PXDN: variants seen among roughly 807,000 people sequenced by gnomAD.
The protein encoded by PXDN is peroxidasin homolog.
In PXDN, 77 loss-of-function variants were observed where a neutral mutation model predicts 140.3. The ratio of observed to expected loss-of-function variants is 0.55; its 90% confidence interval spans 0.46 to 0.66. The LOEUF (loss-of-function observed/expected upper bound fraction) is 0.66. Ranked by LOEUF, PXDN falls within the 30% of genes least tolerant of loss-of-function variation. The pLI is 0.00. For synonymous variants in PXDN, 911 were observed against 857.4 expected (o/e 1.06, Z -1.09); for missense variants, 1,838 against 2,039.5 (o/e 0.90, Z 1.90).
chr2:1,635,480 C>A lies in PXDN; in HGVS notation c.4248G>T (p.Val1416=). The A allele has an allele frequency of 2.5e-6, 4 of 1,600,784 alleles. No homozygotes were observed. The highest frequency in any genetic ancestry group is 2.6e-6 in the Non-Finnish European group (3 of 1,172,968). ...TGGCGTGAGATTCGCCCCCGGCATC[C>A]ACGCACTCTGTGGTACTGAGCCGTG... ...LESRLSTTEC[V]DAGGESHANN... The change falls in exon 22 of 23, where the codon GTG becomes GTT. Residue 1416 remains valine (V), a synonymous_variant. Transcript: ENST00000252804.
intron 2 of PXDN, among the ~76,000 whole-genome samples, chr2:1,692,301 C>T (rs1434415054): frequency 6.6e-6 from 1 of 152,170 alleles, no homozygotes; most frequent in Admixed American, 6.5e-5. Flanking sequence ...CCTGCTGTCT[C>T]TTAGATTTTC....
chr2:1,724,146 C>T (rs1201587352), intron 1 of PXDN, among the ~76,000 whole-genome samples: 4 of 152,212 alleles, frequency 2.6e-5, no homozygotes, highest in Admixed American at 6.5e-5. Flanking sequence ...TTCTTTCCCA[C>T]AACAATTCTC....
intron 19 of PXDN, among the ~76,000 whole-genome samples, chr2:1,641,438 C>CCTT (rs1682725297): frequency 6.6e-6 from 1 of 152,240 alleles, no homozygotes; most frequent in Admixed American, 6.5e-5. Context: ...GCATGTGCCA[C>CCTT]CGCCCAGCCC....
chr2:1,681,722 G>A lies in PXDN; in HGVS notation c.561-1360C>T, dbSNP rs1318108523. On this transcript the variant is annotated intron_variant, in intron 6 of 22. Coordinates refer to ENST00000252804, the MANE Select transcript of PXDN (RefSeq NM_012293.3). ...GGAGGCTGTGAGGGGGACAGTGTCA[G>A]CCACGTGCCCAGGGCACCCAACCTG... 2.6e-5 allele frequency among the ~76,000 whole-genome samples: 4 copies of A among 152,236 alleles called. No individual in the cohort carries two copies. The East Asian group carries it at 7.7e-4, about 29-fold the overall frequency.
At chr2:1,709,011 T>A (rs1383906110) in intron 1 of PXDN, among the ~76,000 whole-genome samples, 1 of 152,160 alleles carries the variant, frequency 6.6e-6, no homozygotes, top group Non-Finnish European at 1.5e-5. Context: ...CATGATCTGC[T>A]GAGGCTGCCA....
At chr2:1,663,518 G>GTT in intron 12 of PXDN, 87 bp downstream of exon 12, 3 of 1,530,914 alleles carry the variant, frequency 2.0e-6, no homozygotes, top group Non-Finnish European at 2.7e-6. Flanking sequence ...ATAACGAAGA[G>GTT]TAACACTAAT....
chr2:1,715,123 T>C (rs1335631366), intron 1 of PXDN, among the ~76,000 whole-genome samples: 3 of 152,198 alleles, frequency 2.0e-5, no homozygotes, highest in African/African-American at 7.2e-5. Context: ...TCAGTATTTT[T>C]CCTGCCTTCC....
chr2:1,708,326 G>T (rs1558519470), intron 1 of PXDN, among the ~76,000 whole-genome samples: 1 of 152,198 alleles, frequency 6.6e-6, no homozygotes, highest in African/African-American at 2.4e-5. Flanking sequence ...AAAGAGGTTC[G>T]CCCTTTCATG....
At chr2:1,635,346 C>T in intron 22 of PXDN, 62 bp downstream of exon 22, 1 of 1,426,150 alleles carries the variant, frequency 7.0e-7, no homozygotes. Context: ...CCTGAGTGGT[C>T]ACATGGGACT....
At chr2:1,726,383 A>T (rs1402645306) in intron 1 of PXDN, among the ~76,000 whole-genome samples, 19 of 141,836 alleles carry the variant, frequency 1.3e-4, no homozygotes, top group Non-Finnish European at 2.9e-4. Context: ...AACAATGAGA[A>T]CACATGGACA....
At position 1,658,096 on chromosome 2, in the gene PXDN, TA is replaced by T. The variant is rs1470431703; in HGVS notation, c.1837+2784del. Among the ~76,000 whole-genome samples the T allele has an allele frequency of 3.3e-5, 4 of 122,266 alleles. 1 individual carries two copies. The highest frequency in any genetic ancestry group is 1.5e-4 in the African/African-American group (4 of 27,086). 80.2% of individuals were successfully genotyped at this position (122,266 alleles called of 152,430 possible). ...TCTCTCTCTCTCTCTCTCTCTCTGT[TA>T]CAGTGTCTGCGTGCGTCCACTCTCA... On this transcript the variant is annotated intron_variant, in intron 14 of 22. Coordinates refer to ENST00000252804, the MANE Select transcript of PXDN (RefSeq NM_012293.3).
intron 7 of PXDN, among the ~76,000 whole-genome samples, chr2:1,679,088 A>ATGTGTGTGTG (rs111613941): frequency 7.8e-4 from 116 of 148,050 alleles, no homozygotes; most frequent in Middle Eastern, 3.5e-3. Flanking sequence ...ATGTGCATGC[A>ATGTGTGTGTG]TGTGTGTGTG....
intron 21 of PXDN, 136 bp downstream of exon 21, chr2:1,638,710 A>C (rs1009123015): frequency 7.3e-7 from 1 of 1,367,424 alleles, no homozygotes; most frequent in Admixed American, 1.9e-5. Context: ...GACACCCCCA[A>C]GGCTCCAGGG....
At chr2:1,681,832 C>T (rs1226861421) in intron 6 of PXDN, among the ~76,000 whole-genome samples, 6 of 152,196 alleles carry the variant, frequency 3.9e-5, no homozygotes, top group Admixed American at 1.3e-4. Flanking sequence ...TCTGGCCAGT[C>T]GGTCCTGGTG....
At chr2:1,679,585 GTGTGCGTGTA>G (rs1253458244) in intron 7 of PXDN, among the ~76,000 whole-genome samples, 1 of 140,574 alleles carries the variant, frequency 7.1e-6, no homozygotes. Flanking sequence ...TGTGGATGGT[GTGTGCGTGTA>G]TGTGCGTGTG....
At chr2:1,647,925 G>T (rs1403817677) in intron 17 of PXDN, among the ~76,000 whole-genome samples, 1 of 152,098 alleles carries the variant, frequency 6.6e-6, no homozygotes, top group Non-Finnish European at 1.5e-5. Context: ...CTCCTCTCTT[G>T]GAACAAAACA....
chr2:1,653,886 G>A lies in PXDN; in HGVS notation c.1947-101C>T, dbSNP rs145649584. On this transcript the variant is annotated intron_variant, in intron 15 of 22. Transcript: ENST00000252804. The stretch of plus-strand genomic sequence containing the variant: ...TAATCATTGCTATTAATATTTCTAC[G>A]GCTACTTTCTACAACATAATGTACT... 6.2e-5 allele frequency: 82 copies of A among 1,331,250 alleles called. 1 individual carries two copies. In the African/African-American group the frequency reaches 1.0e-3, roughly 17 times the overall value. 82.5% of individuals were successfully genotyped at this position (1,331,250 alleles called of 1,614,324 possible).
intron 14 of PXDN, among the ~76,000 whole-genome samples, chr2:1,658,027 G>GCTCTCTCTCTCT (rs1156959508): frequency 4.1e-4 from 2 of 4,910 alleles, no homozygotes; most frequent in Non-Finnish European, 9.2e-4. Flanking sequence ...TCAGCTGTGG[G>GCTCTCTCTCTCT]CTCTCTCTCT....
rs768198520 is a variant in PXDN, at chr2:1,666,221, G to A, written c.1284C>T (p.Ile428=). 38 of 1,613,678 alleles carry A rather than the reference G, an allele frequency of 2.4e-5. No homozygotes were observed. The highest frequency in any genetic ancestry group is 1.6e-4 in the Middle Eastern group (1 of 6,082). The change falls in exon 10 of 23, where the codon ATC becomes ATT. Residue 428 remains isoleucine (I), a synonymous_variant. Transcript: ENST00000252804. ...CAGAGGATGGATACCCACCCTGGAC[G>A]ATGATGAAAGCGGTGGCATGGACGC... ...IDSVHATAFI[I]VQALPQFTVT... is the part of the protein sequence containing the mutation.
Sources: gnomAD v4.1 joint callset for allele counts (sites outside exome capture counted in the v4.1 genomes callset) on GRCh38, gnomAD v4.1.1 for gene constraint, MANE v1.5 for transcripts, NCBI Gene and HGNC (gene_info 2026-07-23, HGNC 2026-07-21) for gene names.